Variants in GALNT14 observed in about 807,000 individuals in gnomAD.
GALNT14 encodes the protein UDP-GalNAc:polypeptide N-acetylgalactosaminyltransferase 14.
Under a neutral mutation model 77.5 loss-of-function variants are expected in GALNT14, and 60 were observed. The observed-to-expected ratio is 0.77, with a 90% confidence interval of 0.63 to 0.96. The LOEUF is 0.96. Among genes scored for constraint, GALNT14 ranks in the 40% least tolerant of loss-of-function variants. The pLI, the probability that GALNT14 is intolerant of heterozygous loss-of-function variation, is 0.00. For synonymous variants in GALNT14, 280 were observed against 281.7 expected (o/e 0.99, Z 0.06); for missense variants, 710 against 731.0 (o/e 0.97, Z 0.33).
At position 30,955,716 on chromosome 2, in the gene GALNT14, C is replaced by A; in HGVS notation, c.556G>T (p.Gly186Cys). 1 of 1,614,170 alleles carries A rather than the reference C, an allele frequency of 6.2e-7. No homozygotes were observed. Among genetic ancestry groups the A allele is most frequent in the East Asian group, 2.2e-5 (1 of 44,882 alleles). Residue 186 changes from glycine (G) to cysteine (C), a missense_variant, in exon 6 of 15, where the codon GGC (glycine) becomes TGC (cysteine). By Grantham distance (159) the Gly-to-Cys change is radical. Transcript: ENST00000349752. ...GTGGTGCCCTGGGCGATGTCAGCGC[C>A]CCGAATCCGGGACCGGACCAGACCT... ...RQGLVRSRIR[G>C]ADIAQGTTLT...
chr2:31,052,763 T>C (rs1016691103), intron 1 of GALNT14, among the ~76,000 whole-genome samples: 3 of 152,156 alleles, frequency 2.0e-5, no homozygotes, highest in African/African-American at 7.2e-5. Flanking sequence ...ACTGCCAGAT[T>C]TAACAAACAA....
At chr2:30,987,700 TCCTCCTC>T (rs1272337154) in intron 2 of GALNT14, among the ~76,000 whole-genome samples, 6 of 86,386 alleles carry the variant, frequency 6.9e-5, no homozygotes, top group East Asian at 3.5e-4. Flanking sequence ...TCTACAGCCT[TCCTCCTC>T]CCTCCCCCTC....
chr2:31,083,681 C>T (rs1676268437), intron 1 of GALNT14, among the ~76,000 whole-genome samples: 1 of 152,172 alleles, frequency 6.6e-6, no homozygotes, highest in Non-Finnish European at 1.5e-5. Flanking sequence ...ATCAGATCTG[C>T]TGCCTCCTTG....
chr2:30,928,431 G>A (rs1221717232), intron 11 of GALNT14, among the ~76,000 whole-genome samples: 1 of 152,064 alleles, frequency 6.6e-6, no homozygotes, highest in Non-Finnish European at 1.5e-5. Flanking sequence ...AATCAGACAG[G>A]TGTGGTTTGA....
At chr2:30,939,224 G>A (rs1047329138) in intron 9 of GALNT14, among the ~76,000 whole-genome samples, 1 of 152,202 alleles carries the variant, frequency 6.6e-6, no homozygotes, top group African/African-American at 2.4e-5. Flanking sequence ...GTGCAGTGAT[G>A]AAGAGAACCT....
chr2:30,946,853 C>T (rs989668973), intron 6 of GALNT14, among the ~76,000 whole-genome samples: 1 of 152,154 alleles, frequency 6.6e-6, no homozygotes, highest in African/African-American at 2.4e-5. Context: ...TACCAGGCCC[C>T]GACTTCCCTG....
intron 1 of GALNT14, among the ~76,000 whole-genome samples, chr2:31,055,258 C>A (rs1437809097): frequency 6.6e-6 from 1 of 152,308 alleles, no homozygotes; most frequent in Admixed American, 6.5e-5. Flanking sequence ...AAAGTGTAAA[C>A]CCATCAGTGG....
At chr2:31,117,069 G>A (rs1193890911) in intron 1 of GALNT14, among the ~76,000 whole-genome samples, 3 of 151,984 alleles carry the variant, frequency 2.0e-5, no homozygotes, top group Non-Finnish European at 2.9e-5. Context: ...AGAATATTCA[G>A]GGGCTTTCTT....
chr2:31,044,073 T>C (rs1378294026), intron 1 of GALNT14, among the ~76,000 whole-genome samples: 3 of 152,220 alleles, frequency 2.0e-5, no homozygotes, highest in Non-Finnish European at 4.4e-5. Flanking sequence ...CGACATATTT[T>C]TAGAAGACCC....
chr2:31,107,149 G>C (rs905760856), intron 1 of GALNT14, among the ~76,000 whole-genome samples: 1 of 152,180 alleles, frequency 6.6e-6, no homozygotes, highest in Non-Finnish European at 1.5e-5. Context: ...TTGCAGTTAG[G>C]TGTCTTCTGG....
chr2:31,086,219 G>A (rs1021005334), intron 1 of GALNT14, among the ~76,000 whole-genome samples: 20 of 152,144 alleles, frequency 1.3e-4, no homozygotes, highest in African/African-American at 4.8e-4. Context: ...ACTAAACCTT[G>A]GTCTTCAGGC....
chr2:31,048,671 G>A (rs576477199), intron 1 of GALNT14, among the ~76,000 whole-genome samples: 38 of 141,786 alleles, frequency 2.7e-4, no homozygotes, highest in African/African-American at 9.3e-4. Context: ...CTGCCATCAC[G>A]CCTCTGGGCT....
At chr2:31,038,058 T>C (rs1672850614) in intron 1 of GALNT14, among the ~76,000 whole-genome samples, 1 of 127,402 alleles carries the variant, frequency 7.8e-6, no homozygotes, top group African/African-American at 3.1e-5. Context: ...GTTAGTCCCT[T>C]ATTTGCCATA....
intron 1 of GALNT14, among the ~76,000 whole-genome samples, chr2:31,137,484 G>C (rs1040213320): frequency 8.5e-5 from 13 of 152,282 alleles, no homozygotes; most frequent in Admixed American, 8.5e-4. Flanking sequence ...GCGCTCGCCC[G>C]CAACGCACAG....
intron 14 of GALNT14, among the ~76,000 whole-genome samples, chr2:30,911,572 C>T (rs1664363984): frequency 6.6e-6 from 1 of 152,092 alleles, no homozygotes; most frequent in Non-Finnish European, 1.5e-5. Flanking sequence ...GGGGAAGCAC[C>T]CCGGAGAGGG....
intron 1 of GALNT14, among the ~76,000 whole-genome samples, chr2:31,044,868 C>G (rs4494792): frequency 6.6e-6 from 1 of 151,804 alleles, no homozygotes; most frequent in African/African-American, 2.4e-5. Context: ...CAAGCCAAGA[C>G]TGCACCACTG....
At chr2:31,068,936 G>A (rs1237481758) in intron 1 of GALNT14, among the ~76,000 whole-genome samples, 1 of 152,220 alleles carries the variant, frequency 6.6e-6, no homozygotes, top group East Asian at 1.9e-4. Flanking sequence ...TATATGAAAT[G>A]TCCAGAATAG....
At chr2:31,043,156 A>G (rs1382758871) in intron 1 of GALNT14, among the ~76,000 whole-genome samples, 1 of 152,122 alleles carries the variant, frequency 6.6e-6, no homozygotes, top group East Asian at 1.9e-4. Flanking sequence ...TGCCTGGAAC[A>G]TATGTCTCCC....
At chr2:31,132,553 G>C (rs1453729213) in intron 1 of GALNT14, 10 of 364,702 alleles carry the variant, frequency 2.7e-5, no homozygotes, top group South Asian at 1.7e-4. Flanking sequence ...GCTACTTCTG[G>C]TCATGCCAGA....
Sources: gnomAD v4.1 joint callset for allele counts (sites outside exome capture counted in the v4.1 genomes callset) on GRCh38, gnomAD v4.1.1 for gene constraint, MANE v1.5 for transcripts, NCBI Gene and HGNC (gene_info 2026-07-23, HGNC 2026-07-21) for gene names.